The following HSCB variants were observed in gnomAD, a reference collection of about 807,000 sequenced individuals.
HSCB encodes the protein HscB mitochondrial iron-sulfur cluster cochaperone, also known as iron-sulfur cluster co-chaperone protein HscB.
Under a neutral mutation model 31.3 loss-of-function variants are expected in HSCB, and 23 were observed. That is an observed-to-expected ratio of 0.74 (90% confidence interval 0.53 to 1.04). HSCB has a LOEUF of 1.04. HSCB is among the 50% of genes least tolerant of loss of function. HSCB has a pLI of 0.00. For missense variants in HSCB, 297 were observed against 288.1 expected (o/e 1.03, Z -0.22); for synonymous variants, 110 against 104.5 (o/e 1.05, Z -0.32).
At chr22:28,744,407 C>A (rs1397740120) in intron 2 of HSCB, among the ~76,000 whole-genome samples, 1 of 152,124 alleles carries the variant, frequency 6.6e-6, no homozygotes, top group Non-Finnish European at 1.5e-5. Flanking sequence ...TAAAAATTAG[C>A]CCAGTGCAGT....
At chr22:28,742,523 C>T (rs1322926081) in intron 1 of HSCB, 192 bp downstream of exon 1, 15 of 1,014,356 alleles carry the variant, frequency 1.5e-5, no homozygotes, top group Non-Finnish European at 6.9e-6. Context: ...CTGAGGGAAG[C>T]AACGTTGAGG....
intron 5 of HSCB, among the ~76,000 whole-genome samples, chr22:28,756,437 G>A (rs1470747767): frequency 6.6e-6 from 1 of 150,520 alleles, no homozygotes; most frequent in Non-Finnish European, 1.5e-5. Context: ...CACATGTTAG[G>A]GAGAAATTTT....
intron 5 of HSCB, among the ~76,000 whole-genome samples, chr22:28,755,137 G>A (rs1159215078): frequency 2.7e-5 from 4 of 149,168 alleles, no homozygotes; most frequent in Non-Finnish European, 5.9e-5. Flanking sequence ...TAGGCCGGGC[G>A]CGGTGGCTCA....
Position 28,742,080 on chromosome 22 carries a change from A to G in HSCB, c.-16A>G, listed in dbSNP as rs1331127840. The G allele has an allele frequency of 2.5e-6, 4 of 1,599,584 alleles. No homozygotes were observed. The highest frequency in any genetic ancestry group is 1.7e-4 in the Middle Eastern group (1 of 6,050). On this transcript the variant is annotated 5_prime_UTR_variant, in exon 1 of 6. Transcript: ENST00000216027. ...TTTCCCCACGAGTGACCACGGCTAG[A>G]TAGGCCGCCGGCCAGATGTGGCGGG... is the stretch of plus-strand genomic sequence containing the variant.
Position 28,742,102 on chromosome 22 carries a change from C to T in HSCB, c.7C>T (p.Arg3Trp), listed in dbSNP as rs1392413413. The T allele has an allele frequency of 5.6e-6, 9 of 1,593,176 alleles. No individual in the cohort carries two copies. The highest frequency in any genetic ancestry group is 2.3e-5 in the East Asian group (1 of 44,002). The change falls in exon 1 of 6, where the codon CGG becomes TGG. Residue 3 changes from arginine (R) to tryptophan (W), a missense_variant. Coordinates refer to ENST00000216027, the MANE Select transcript of HSCB (RefSeq NM_172002.5). ...TAGATAGGCCGCCGGCCAGATGTGG[C>T]GGGGGAGAGCCGGGGCTTTGCTCCG... MW[R>W]GRAGALLRVW...
intron 4 of HSCB, among the ~76,000 whole-genome samples, chr22:28,750,197 C>A (rs748774198): frequency 7.5e-6 from 1 of 133,654 alleles, no homozygotes; most frequent in African/African-American, 2.9e-5. Context: ...TGCAGTGAGC[C>A]GAGATCGCAC....
intron 4 of HSCB, among the ~76,000 whole-genome samples, chr22:28,746,441 G>A (rs966685642): frequency 2.0e-5 from 3 of 151,526 alleles, no homozygotes; most frequent in Admixed American, 2.0e-4. Flanking sequence ...ATAATTGTGG[G>A]AGCTGACACA....
intron 5 of HSCB, among the ~76,000 whole-genome samples, chr22:28,752,839 G>C (rs2030350461): frequency 6.6e-6 from 1 of 152,166 alleles, no homozygotes; most frequent in Non-Finnish European, 1.5e-5. Context: ...CCCACATTTT[G>C]AGAGGCCAAG....
At chr22:28,749,423 T>C (rs714191) in intron 4 of HSCB, among the ~76,000 whole-genome samples, 35,882 of 152,050 alleles carry the variant, frequency 0.24, 4,557 homozygotes, top group East Asian at 0.43. Context: ...CTTTTTAAGC[T>C]ATCTATTAGT....
chr22:28,750,755 A>G (rs1337055095), intron 4 of HSCB, among the ~76,000 whole-genome samples: 1 of 152,136 alleles, frequency 6.6e-6, no homozygotes, highest in Non-Finnish European at 1.5e-5. Flanking sequence ...TTTGTTTGGC[A>G]TCTTCTCCCT....
chr22:28,757,072 T>A lies in HSCB; in HGVS notation c.617-6T>A. 2 of 1,505,580 alleles carry A rather than the reference T, an allele frequency of 1.3e-6. No individual in the cohort carries two copies. The highest frequency in any genetic ancestry group is 2.3e-5 in the South Asian group (2 of 88,742). The allele number at this position is 1,505,580 out of a possible 1,614,324, so 93.3% of individuals were successfully genotyped here. The stretch of plus-strand genomic sequence containing the variant: ...AGCCTGACTTCAGTGTCTCTGTCTA[T>A]TTCAGATGACTTTGAAGAAGCCAAG... On this transcript the variant is annotated splice_polypyrimidine_tract_variant and splice_region_variant and intron_variant, in intron 5 of 5. Transcript: ENST00000216027.
chr22:28,746,493 C>T (rs2054694285), intron 4 of HSCB, among the ~76,000 whole-genome samples: 1 of 151,870 alleles, frequency 6.6e-6, no homozygotes. Context: ...TGGCTCATGC[C>T]TGTAATCCCA....
intron 4 of HSCB, among the ~76,000 whole-genome samples, chr22:28,747,944 G>C (rs1729843828): frequency 6.6e-6 from 1 of 152,114 alleles, no homozygotes; most frequent in Non-Finnish European, 1.5e-5. Context: ...CCAGCACTTT[G>C]GGAGGCCGAG....
At chr22:28,743,795 C>A (rs2054636062) in intron 1 of HSCB, 87 bp from the exon 2 acceptor site, 4 of 1,107,780 alleles carry the variant, frequency 3.6e-6, no homozygotes, top group Non-Finnish European at 5.5e-6. Context: ...GTTATTGCAT[C>A]TTCCCCATAA....
At chr22:28,756,809 T>C (rs1339193338) in intron 5 of HSCB, among the ~76,000 whole-genome samples, 1 of 152,100 alleles carries the variant, frequency 6.6e-6, no homozygotes, top group African/African-American at 2.4e-5. Flanking sequence ...CACCCATTTA[T>C]TACTTGGGAC....
intron 4 of HSCB, among the ~76,000 whole-genome samples, chr22:28,747,405 G>A (rs5762769): frequency 0.37 from 56,930 of 151,870 alleles, 11,192 homozygotes; most frequent in East Asian, 0.63. Context: ...GGCTCAAACA[G>A]TCCTCTCACC....
intron 5 of HSCB, among the ~76,000 whole-genome samples, chr22:28,753,473 A>G (rs2030395069): frequency 6.6e-6 from 1 of 150,854 alleles, no homozygotes; most frequent in Non-Finnish European, 1.5e-5. Flanking sequence ...TGTTGCAGTG[A>G]GCTGAGATCG....
At chr22:28,746,260 A>G (rs539333829) in intron 4 of HSCB, among the ~76,000 whole-genome samples, 3 of 151,354 alleles carry the variant, frequency 2.0e-5, no homozygotes, top group Non-Finnish European at 4.4e-5. Flanking sequence ...GGGTGCCTGT[A>G]GTCCCAGCTA....
chr22:28,746,972 G>A (rs1448584244), intron 4 of HSCB, among the ~76,000 whole-genome samples: 2 of 151,964 alleles, frequency 1.3e-5, no homozygotes, highest in African/African-American at 2.4e-5. Flanking sequence ...GATGAGGTGG[G>A]AGAATCATCT....
Sources: allele counts gnomAD v4.1 joint callset (sites outside exome capture counted in the v4.1 genomes callset), GRCh38; gene constraint gnomAD v4.1.1; transcripts MANE v1.5; gene names NCBI Gene and HGNC (gene_info 2026-07-23, HGNC 2026-07-21).